The following CTNNA2 variants were observed in gnomAD, a reference collection of about 807,000 sequenced individuals.
The protein encoded by CTNNA2 is catenin alpha 2, also known as catenin alpha-2.
Under a neutral mutation model 101.0 loss-of-function variants are expected in CTNNA2, and 42 were observed. The observed-to-expected ratio is 0.42, with a 90% CI of 0.32 to 0.54. CTNNA2 has a LOEUF of 0.54. CTNNA2 is among the 20% of genes least tolerant of loss of function. The pLI is 0.14. For synonymous variants in CTNNA2, 450 were observed against 456.4 expected, an observed-to-expected ratio of 0.99 and a Z score of 0.18; for missense variants, 871 against 1,223.1, an observed-to-expected ratio of 0.71 and a Z score of 4.29.
At chr2:79,522,378 G>A (rs1336825601) in intron 1 of CTNNA2, among the ~76,000 whole-genome samples, 1 of 152,176 alleles carries the variant, frequency 6.6e-6, no homozygotes, top group Non-Finnish European at 1.5e-5. Flanking sequence ...GGAGCCATAC[G>A]TGAGTAAGAC....
At chr2:79,389,375 A>G (rs539048097) in intron 4 of CTNNA2, among the ~76,000 whole-genome samples, 1 of 152,306 alleles carries the variant, frequency 6.6e-6, no homozygotes, top group African/African-American at 2.4e-5. Context: ...AATTTTCATG[A>G]GACTAGAAAT....
intron 7 of CTNNA2, among the ~76,000 whole-genome samples, chr2:79,958,923 T>G (rs1689436255): frequency 1.3e-5 from 2 of 152,228 alleles, no homozygotes; most frequent in South Asian, 2.1e-4. Flanking sequence ...GTTACTTATG[T>G]AGGTCTTGGC....
chr2:79,906,790 A>G (rs1460456549), intron 6 of CTNNA2, among the ~76,000 whole-genome samples: 1 of 152,208 alleles, frequency 6.6e-6, no homozygotes, highest in African/African-American at 2.4e-5. Context: ...ATGCTCGAAT[A>G]GATTTGGGAA....
At chr2:79,618,935 G>T (rs1231293017) in intron 1 of CTNNA2, among the ~76,000 whole-genome samples, 1 of 152,162 alleles carries the variant, frequency 6.6e-6, no homozygotes, top group Non-Finnish European at 1.5e-5. Flanking sequence ...GTTGGGTGTG[G>T]TGGCTCACGC....
intron 3 of CTNNA2, among the ~76,000 whole-genome samples, chr2:79,361,372 C>A (rs183093527): frequency 1.3e-5 from 2 of 151,618 alleles, no homozygotes; most frequent in Admixed American, 1.3e-4. Context: ...TCCCATTTGG[C>A]AGAAAAAAAA....
At chr2:80,202,131 G>T (rs532308923) in intron 7 of CTNNA2, among the ~76,000 whole-genome samples, 3 of 152,050 alleles carry the variant, frequency 2.0e-5, no homozygotes, top group Non-Finnish European at 4.4e-5. Context: ...ATGACTATAA[G>T]TCTTCTCTCC....
intron 4 of CTNNA2, among the ~76,000 whole-genome samples, chr2:79,492,982 G>GA (rs1198932337): frequency 4.6e-5 from 7 of 152,058 alleles, no homozygotes; most frequent in Non-Finnish European, 7.4e-5. Context: ...AATAAAAGCA[G>GA]AAAAAACCAC....
chr2:79,350,826 C>T (rs1381045071), intron 3 of CTNNA2, among the ~76,000 whole-genome samples: 1 of 152,162 alleles, frequency 6.6e-6, no homozygotes, highest in East Asian at 1.9e-4. Context: ...TAATAATCGT[C>T]ATTCTGACTA....
intron 3 of CTNNA2, among the ~76,000 whole-genome samples, chr2:79,331,640 T>A (rs963562092): frequency 6.6e-6 from 1 of 152,250 alleles, no homozygotes; most frequent in Admixed American, 6.5e-5. Flanking sequence ...TTGTGCCTTC[T>A]TCCTGGCTCC....
At chr2:80,474,526 CT>C (rs1685562619) in intron 9 of CTNNA2, among the ~76,000 whole-genome samples, 1 of 152,174 alleles carries the variant, frequency 6.6e-6, no homozygotes, top group East Asian at 1.9e-4. Flanking sequence ...TCAGTATTGC[CT>C]TCCCATTCCA....
intron 8 of CTNNA2, among the ~76,000 whole-genome samples, chr2:80,413,580 G>A (rs114365570): frequency 0.012 from 1,782 of 152,264 alleles, 19 homozygotes; most frequent in Non-Finnish European, 0.019. Context: ...GTGACTTTGG[G>A]TAGATTATAG....
intron 7 of CTNNA2, among the ~76,000 whole-genome samples, chr2:80,163,523 G>T (rs1291835069): frequency 6.6e-6 from 1 of 152,030 alleles, no homozygotes; most frequent in Admixed American, 6.6e-5. Flanking sequence ...TATGACCCAG[G>T]ATATGGTATA....
intron 2 of CTNNA2, among the ~76,000 whole-genome samples, chr2:79,687,155 C>G (rs1683984505): frequency 6.6e-6 from 1 of 152,004 alleles, no homozygotes; most frequent in Non-Finnish European, 1.5e-5. Context: ...GCTTGGTGAG[C>G]AGGGAATCAA....
intron 2 of CTNNA2, among the ~76,000 whole-genome samples, chr2:79,299,840 T>C (rs913737009): frequency 9.9e-5 from 15 of 152,242 alleles, no homozygotes; most frequent in Admixed American, 4.6e-4. Context: ...CTGAGGCTAC[T>C]ATATGCTAAC....
chr2:79,883,194 C>A (rs1421564190), intron 6 of CTNNA2, among the ~76,000 whole-genome samples: 1 of 152,188 alleles, frequency 6.6e-6, no homozygotes, highest in Non-Finnish European at 1.5e-5. Flanking sequence ...ACGAGTGTGT[C>A]AAACCCAGTT....
intron 2 of CTNNA2, among the ~76,000 whole-genome samples, chr2:79,734,958 C>T (rs190674362): frequency 1.3e-5 from 2 of 152,046 alleles, no homozygotes; most frequent in Admixed American, 1.3e-4. Context: ...TAGTGTCCTC[C>T]CATTGAGGTA....
chr2:79,555,670 T>C (rs565279639), intron 1 of CTNNA2, among the ~76,000 whole-genome samples: 1 of 152,266 alleles, frequency 6.6e-6, no homozygotes, highest in South Asian at 2.1e-4. Flanking sequence ...TTCTTATTCT[T>C]AGTTATGTGC....
intron 11 of CTNNA2, among the ~76,000 whole-genome samples, chr2:80,552,636 G>A (rs554703055): frequency 6.6e-6 from 1 of 152,106 alleles, no homozygotes; most frequent in Non-Finnish European, 1.5e-5. Context: ...ATCACATACT[G>A]TATTTACACA....
chr2:79,965,357 C>T (rs901436741), intron 7 of CTNNA2, among the ~76,000 whole-genome samples: 2 of 152,132 alleles, frequency 1.3e-5, no homozygotes, highest in East Asian at 1.9e-4. Flanking sequence ...AGAATTCTCT[C>T]GTGATTAGTT....
Sources: gnomAD v4.1 joint callset for allele counts (sites outside exome capture counted in the v4.1 genomes callset) on GRCh38, gnomAD v4.1.1 for gene constraint, MANE v1.5 for transcripts, NCBI Gene and HGNC (gene_info 2026-07-23, HGNC 2026-07-21) for gene names.